The following LUZP2 variants were observed in gnomAD, a reference collection of about 807,000 sequenced individuals.
LUZP2 encodes leucine zipper protein 2.
A neutral mutation model predicts 51.6 loss-of-function variants in LUZP2; 52 were observed. The observed-to-expected ratio is 1.01, with a 90% CI of 0.81 to 1.27. The LOEUF is 1.27. Ranked by LOEUF, LUZP2 falls within the 50% of genes most tolerant of loss-of-function variation. The probability of loss-of-function intolerance (pLI) is 0.00; values close to 1 mark genes in which losing one functional copy is unlikely to be tolerated. For synonymous variants in LUZP2, 154 were observed against 137.3 expected, an observed-to-expected ratio of 1.12 and a Z score of -0.85; for missense variants, 436 against 395.4, an observed-to-expected ratio of 1.10 and a Z score of -0.87.
At chr11:25,055,616 C>G (rs1040815535) in intron 10 of LUZP2, among the ~76,000 whole-genome samples, 1 of 152,046 alleles carries the variant, frequency 6.6e-6, no homozygotes, top group African/African-American at 2.4e-5. Context: ...GATGCTACAT[C>G]CAGAATAAAG....
chr11:24,763,783 A>C (rs572531591), intron 5 of LUZP2, among the ~76,000 whole-genome samples: 1 of 152,294 alleles, frequency 6.6e-6, no homozygotes, highest in East Asian at 1.9e-4. Context: ...CATCCTATTA[A>C]ATACTGCATA....
intron 1 of LUZP2, among the ~76,000 whole-genome samples, chr11:24,672,468 T>C (rs949778970): frequency 2.0e-5 from 3 of 152,190 alleles, no homozygotes; most frequent in Non-Finnish European, 4.4e-5. Context: ...TTCATTGTAT[T>C]TAATTGTATA....
intron 9 of LUZP2, among the ~76,000 whole-genome samples, chr11:25,045,173 G>C (rs576260103): frequency 1.3e-5 from 2 of 151,698 alleles, no homozygotes; most frequent in South Asian, 2.1e-4. Flanking sequence ...AAACCTGCAC[G>C]TTGTGCACAT....
intron 5 of LUZP2, among the ~76,000 whole-genome samples, chr11:24,806,327 G>C (rs1849855703): frequency 6.6e-6 from 1 of 152,172 alleles, no homozygotes; most frequent in Non-Finnish European, 1.5e-5. Flanking sequence ...GGGCATTGTA[G>C]TAATATTTAC....
At chr11:24,735,130 A>G (rs1468063003) in intron 3 of LUZP2, among the ~76,000 whole-genome samples, 4 of 151,982 alleles carry the variant, frequency 2.6e-5, no homozygotes, top group African/African-American at 9.7e-5. Flanking sequence ...GTGGCCACAT[A>G]CAACTATGTG....
chr11:24,926,084 G>T (rs1854218705), intron 7 of LUZP2, among the ~76,000 whole-genome samples: 2 of 151,216 alleles, frequency 1.3e-5, no homozygotes, highest in South Asian at 4.2e-4. Flanking sequence ...CCTTTTTATG[G>T]CTGATGAGTA....
chr11:24,782,253 C>G (rs1849115900), intron 5 of LUZP2, among the ~76,000 whole-genome samples: 1 of 152,102 alleles, frequency 6.6e-6, no homozygotes, highest in South Asian at 2.1e-4. Context: ...TCAAGAGTAA[C>G]CTTTGTAGCA....
intron 3 of LUZP2, among the ~76,000 whole-genome samples, chr11:24,736,361 T>G (rs1858937404): frequency 1.3e-5 from 2 of 151,896 alleles, no homozygotes. Context: ...GCTTAAAAAT[T>G]TATTATTTTG....
At chr11:24,582,728 C>G (rs906824561) in intron 1 of LUZP2, among the ~76,000 whole-genome samples, 1 of 151,998 alleles carries the variant, frequency 6.6e-6, no homozygotes, top group Admixed American at 6.6e-5. Context: ...AAATGTGTGC[C>G]TGGTTCCAGC....
At chr11:25,069,044 T>C (rs4297415) in intron 10 of LUZP2, among the ~76,000 whole-genome samples, 79,894 of 151,778 alleles carry the variant, frequency 0.53, 21,714 homozygotes, top group African/African-American at 0.6. Context: ...GGCCCAAATG[T>C]GTACCAACCA....
rs1237485730 is a variant in LUZP2, at chr11:25,003,259, C to T, written c.765+19966C>T. ...AGAGACCTAGATCTTGGGCCAGTGC[C>T]TGACCAAACATGAGGGCTATCCCTA... On this transcript the variant is annotated intron_variant, in intron 9 of 11. Coordinates refer to ENST00000336930, the MANE Select transcript of LUZP2 (RefSeq NM_001009909.4). Among the ~76,000 whole-genome samples, 3 of 152,326 alleles carry T rather than the reference C, an allele frequency of 2.0e-5. 1 individual carries two copies. The highest frequency in any genetic ancestry group is 4.4e-5 in the Non-Finnish European group (3 of 68,036).
chr11:24,954,691 A>G (rs1855167385), intron 7 of LUZP2, among the ~76,000 whole-genome samples: 2 of 152,114 alleles, frequency 1.3e-5, no homozygotes, highest in Non-Finnish European at 2.9e-5. Flanking sequence ...GGAAACTAAC[A>G]GGACCCTGCT....
At chr11:24,528,590 G>A (rs899093794) in intron 1 of LUZP2, among the ~76,000 whole-genome samples, 8 of 151,106 alleles carry the variant, frequency 5.3e-5, no homozygotes, top group Non-Finnish European at 1.2e-4. Context: ...ATGTGCCAGT[G>A]ACTTGTCTGA....
At chr11:24,623,948 G>A (rs1854592912) in intron 1 of LUZP2, among the ~76,000 whole-genome samples, 1 of 152,164 alleles carries the variant, frequency 6.6e-6, no homozygotes, top group African/African-American at 2.4e-5. Context: ...TCTATATGAT[G>A]ATAGAGACAA....
chr11:25,077,406 G>A lies in LUZP2; in HGVS notation c.936G>A (p.Gln312=). 6.3e-7 allele frequency: 1 copy of A among 1,594,246 alleles called. No homozygotes were observed. Among genetic ancestry groups the A allele is most frequent in the Non-Finnish European group, 8.6e-7 (1 of 1,164,820 alleles). The change falls in exon 11 of 12, where the codon CAG becomes CAA. Residue 312 remains glutamine (Q), a splice_region_variant and synonymous_variant. Transcript: ENST00000336930. The part of the protein sequence containing the change: ...NATAETEPIP[Q]KLQMPPCSEC... ...CTGCAGAAACCGAGCCTATCCCACA[G>A]GTATGTGTTTGTTTTATTTCGTTTG...
At chr11:24,732,503 C>T (rs1405012110) in intron 3 of LUZP2, among the ~76,000 whole-genome samples, 2 of 151,468 alleles carry the variant, frequency 1.3e-5, no homozygotes, top group South Asian at 2.1e-4. Flanking sequence ...GTAAGTCTGA[C>T]CATCAATAGA....
chr11:24,746,286 G>T (rs1489205859), intron 4 of LUZP2, among the ~76,000 whole-genome samples: 4 of 152,138 alleles, frequency 2.6e-5, no homozygotes, highest in African/African-American at 7.2e-5. Context: ...GTCCAGAAAA[G>T]ACTGCATCTT....
intron 9 of LUZP2, among the ~76,000 whole-genome samples, chr11:24,983,801 G>T (rs1856111296): frequency 8.2e-6 from 1 of 122,680 alleles, no homozygotes; most frequent in Non-Finnish European, 1.7e-5. Context: ...TTTTTTCCCA[G>T]ACCTATTAAA....
chr11:24,807,037 A>AT (rs1849874539), intron 5 of LUZP2, among the ~76,000 whole-genome samples: 1 of 151,294 alleles, frequency 6.6e-6, no homozygotes, highest in Non-Finnish European at 1.5e-5. Flanking sequence ...AAAAAAAAAA[A>AT]AAAAAAGGAG....
Sources: allele counts gnomAD v4.1 joint callset (sites outside exome capture counted in the v4.1 genomes callset), GRCh38; gene constraint gnomAD v4.1.1; transcripts MANE v1.5; gene names NCBI Gene and HGNC (gene_info 2026-07-23, HGNC 2026-07-21).